The following DCSTAMP variants were observed in gnomAD, a reference collection of about 807,000 sequenced individuals.
The protein encoded by DCSTAMP is dendrocyte expressed seven transmembrane protein.
A neutral mutation model predicts 33.8 loss-of-function variants in DCSTAMP; 25 were observed. The observed-to-expected ratio is 0.74, with a 90% confidence interval of 0.54 to 1.03. The LOEUF is 1.03. Among genes scored for constraint, DCSTAMP ranks in the 50% least tolerant of loss-of-function variants. The pLI is 0.00. For synonymous variants in DCSTAMP, 245 were observed against 216.7 expected, an observed-to-expected ratio of 1.13 and a Z score of -1.15; for missense variants, 531 against 556.8, an observed-to-expected ratio of 0.95 and a Z score of 0.47.
intron 1 of DCSTAMP, among the ~76,000 whole-genome samples, chr8:104,345,206 A>G (rs1484856243): frequency 1.3e-5 from 2 of 152,160 alleles, no homozygotes; most frequent in Non-Finnish European, 2.9e-5. Flanking sequence ...AATGAGTTGC[A>G]TTTACTGGGG....
chr8:104,353,081 G>T (rs917443422), intron 2 of DCSTAMP, among the ~76,000 whole-genome samples: 11 of 152,318 alleles, frequency 7.2e-5, no homozygotes, highest in Middle Eastern at 3.4e-3. Context: ...AATGACCCAG[G>T]TAGAGCTAGC....
rs983486079 is a variant in DCSTAMP, at chr8:104,353,395, C to T, written c.1030-1482C>T. 3.3e-5 allele frequency among the ~76,000 whole-genome samples: 5 copies of T among 152,234 alleles called. No homozygotes were observed. In the East Asian group the frequency reaches 9.6e-4, roughly 29 times the overall value. The stretch of plus-strand genomic sequence containing the variant: ...TCAGCCGTTCTGAAGCCCGGATTCC[C>T]AGCTGCAAAATCCCCAGTTAAATTT... On this transcript the variant is annotated intron_variant, in intron 2 of 3. Transcript: ENST00000297581.
chr8:104,343,684 A>C (rs1187744568), intron 1 of DCSTAMP, among the ~76,000 whole-genome samples: 1 of 152,240 alleles, frequency 6.6e-6, no homozygotes, highest in Non-Finnish European at 1.5e-5. Flanking sequence ...CAAACAGAGC[A>C]GTGGGTAAAA....
chr8:104,355,351 A>G (rs962095455), intron 3 of DCSTAMP, among the ~76,000 whole-genome samples, 166 bp downstream of exon 3: 2 of 152,104 alleles, frequency 1.3e-5, no homozygotes, highest in Non-Finnish European at 2.9e-5. Context: ...CGTGGCTAGG[A>G]CTCTTAACTC....
chr8:104,344,347 A>AATT (rs1253843042), intron 1 of DCSTAMP, among the ~76,000 whole-genome samples: 25 of 152,216 alleles, frequency 1.6e-4, no homozygotes, highest in African/African-American at 5.8e-4. Context: ...AAAGTAATTA[A>AATT]ATTTATTAAT....
chr8:104,345,281 G>A (rs1159102202), intron 1 of DCSTAMP, among the ~76,000 whole-genome samples: 1 of 152,132 alleles, frequency 6.6e-6, no homozygotes, highest in African/African-American at 2.4e-5. Flanking sequence ...AAGGGAGCAG[G>A]TAGGTCATAT....
Position 104,355,121 on chromosome 8 carries a change from T to C in DCSTAMP, c.1274T>C (p.Leu425Pro). 1 of 1,614,028 alleles carries C rather than the reference T, an allele frequency of 6.2e-7. No homozygotes were observed. The highest frequency in any genetic ancestry group is 8.5e-7 in the Non-Finnish European group (1 of 1,179,996). Residue 425 changes from leucine (L) to proline (P), a missense_variant, in exon 3 of 4, where the codon CTT becomes CCT. Coordinates refer to ENST00000297581, the MANE Select transcript of DCSTAMP (RefSeq NM_030788.4). ...KRIQYLHAKL[L>P]KKRSKQPLGE... is the part of the protein sequence containing the mutation. ...ATCCAATATCTGCATGCAAAGCTGCTTAAAAAAAGATCAAAGCAGCCGCTG... is the reference window on the plus strand; with the variant it reads ...ATCCAATATCTGCATGCAAAGCTGCCTAAAAAAAGATCAAAGCAGCCGCTG...
chr8:104,354,146 T>C (rs2140478488), intron 2 of DCSTAMP, among the ~76,000 whole-genome samples: 1 of 152,292 alleles, frequency 6.6e-6, no homozygotes, highest in Non-Finnish European at 1.5e-5. Flanking sequence ...GAGCATCCAA[T>C]AGGGATGAGA....
chr8:104,342,772 T>C (rs2140466531), intron 1 of DCSTAMP, among the ~76,000 whole-genome samples: 1 of 152,340 alleles, frequency 6.6e-6, no homozygotes, highest in South Asian at 2.1e-4. Flanking sequence ...GAGAGATGGC[T>C]AAGTTGGGAG....
Position 104,349,444 on chromosome 8 carries a change from C to G in DCSTAMP, c.892C>G (p.Leu298Val). ...AAGGAAAAACCTGGGGCTGTTTTTCCTCCCCATACTTATCCATCTCTGCAT... is the reference window on the plus strand; with the variant it reads ...AAGGAAAAACCTGGGGCTGTTTTTCGTCCCCATACTTATCCATCTCTGCAT... ...KERKNLGLFF[L>V]PILIHLCIWV... The change falls in exon 2 of 4, where the codon CTC becomes GTC. Residue 298 changes from leucine to valine, a missense_variant. Coordinates refer to ENST00000297581, the MANE Select transcript of DCSTAMP (RefSeq NM_030788.4). 3 of 1,614,160 alleles carry G rather than the reference C, an allele frequency of 1.9e-6. No homozygotes were observed. Among genetic ancestry groups the G allele is most frequent in the Non-Finnish European group, 2.5e-6 (3 of 1,180,026 alleles).
rs754478073 is a variant in DCSTAMP, at chr8:104,355,205, G to T, written c.1338+20G>T. On this transcript the variant is annotated intron_variant, in intron 3 of 3. Coordinates refer to ENST00000297581, the MANE Select transcript of DCSTAMP (RefSeq NM_030788.4). ...ACAAAGGTAAGGCCAAGATGGTGGTGTAACCTCCAATTGAGGAAGTGTTGA... is the reference window on the plus strand; with the variant it reads ...ACAAAGGTAAGGCCAAGATGGTGGTTTAACCTCCAATTGAGGAAGTGTTGA... The T allele has an allele frequency of 2.5e-5, 39 of 1,591,004 alleles. No individual in the cohort carries two copies. Among genetic ancestry groups the T allele is most frequent in the Middle Eastern group, 1.7e-4 (1 of 5,946 alleles).
chr8:104,351,984 T>C (rs1810474909), intron 2 of DCSTAMP, among the ~76,000 whole-genome samples: 3 of 152,242 alleles, frequency 2.0e-5, no homozygotes, highest in Admixed American at 1.3e-4. Context: ...AATTGACACA[T>C]AATCATTGTA....
In DCSTAMP at chr8:104,356,519, A is replaced by T; in HGVS notation, c.*321A>T. The T allele has an allele frequency of 5.7e-6, 1 of 175,588 alleles. No homozygotes were observed. The highest frequency in any genetic ancestry group is 1.2e-5 in the Non-Finnish European group (1 of 83,420). 10.9% of individuals were successfully genotyped at this position (175,588 alleles called of 1,614,324 possible). A position where few individuals can be genotyped will look rare whatever the true frequency, so the allele number is the denominator to read the frequency against. ...TGTTCAAGGAAAAGAAAACGAAAAC[A>T]GTTTAAATCTCTACCACAGCCTCAC... On this transcript the variant is annotated 3_prime_UTR_variant, in exon 4 of 4. Coordinates refer to ENST00000297581, the MANE Select transcript of DCSTAMP (RefSeq NM_030788.4).
intron 1 of DCSTAMP, among the ~76,000 whole-genome samples, chr8:104,342,870 T>C (rs1351514460): frequency 3.9e-5 from 6 of 152,338 alleles, no homozygotes; most frequent in African/African-American, 1.2e-4. Flanking sequence ...AGCCTAACGC[T>C]GGCTGTAACA....
intron 2 of DCSTAMP, among the ~76,000 whole-genome samples, chr8:104,353,234 C>CAACAAAT (rs1334584521): frequency 6.6e-6 from 1 of 152,144 alleles, no homozygotes; most frequent in Non-Finnish European, 1.5e-5. Context: ...AGTGTTGTGC[C>CAACAAAT]AACAAATTGT....
rs1010128982 is a variant in DCSTAMP, at chr8:104,344,488, C to T, written c.-12-4053C>T. 3.9e-5 allele frequency among the ~76,000 whole-genome samples: 6 copies of T among 152,132 alleles called. 1 individual carries two copies. The highest frequency in any genetic ancestry group is 2.1e-4 in the South Asian group (1 of 4,822). On this transcript the variant is annotated intron_variant, in intron 1 of 3. Transcript: ENST00000297581. ...CGCCCAGCATCACAGACAGTTCTAT[C>T]CAACAGCGCTGAATTCTAGAGCTTG...
At position 104,349,291 on chromosome 8, in the gene DCSTAMP, A is replaced by G. The variant is rs1810401403; in HGVS notation, c.739A>G (p.Ile247Val). The G allele has an allele frequency of 6.2e-7, 1 of 1,614,198 alleles. No individual in the cohort carries two copies. Among genetic ancestry groups the G allele is most frequent in the Non-Finnish European group, 8.5e-7 (1 of 1,180,028 alleles). Residue 247 changes from isoleucine to valine, a missense_variant, in exon 2 of 4, where the codon ATC becomes GTC. Ile to Val is a conservative substitution (Grantham distance 29). Coordinates refer to ENST00000297581, the MANE Select transcript of DCSTAMP (RefSeq NM_030788.4). ...TGGTTGGAAGTATGAAAACATCTAC[A>G]TCACCAGACAATTTGTTCAGTTTGA... The part of the protein sequence containing the change: ...PCGWKYENIY[I>V]TRQFVQFDER...
At chr8:104,343,758 G>A (rs1340229859) in intron 1 of DCSTAMP, among the ~76,000 whole-genome samples, 1 of 152,232 alleles carries the variant, frequency 6.6e-6, no homozygotes, top group Non-Finnish European at 1.5e-5. Context: ...AGAGTGAAGA[G>A]ATACCAGAGA....
chr8:104,342,182 T>C (rs1312340193), intron 1 of DCSTAMP, among the ~76,000 whole-genome samples: 2 of 152,150 alleles, frequency 1.3e-5, no homozygotes, highest in African/African-American at 4.8e-5. Flanking sequence ...GGTTTAAGCA[T>C]GGCTTTTAAA....
Sources: allele counts gnomAD v4.1 joint callset (sites outside exome capture counted in the v4.1 genomes callset), GRCh38; gene constraint gnomAD v4.1.1; transcripts MANE v1.5; gene names NCBI Gene and HGNC (gene_info 2026-07-23, HGNC 2026-07-21).